The following KCNG3 variants were observed in gnomAD, a reference collection of about 807,000 sequenced individuals.
The protein encoded by KCNG3 is voltage-gated potassium channel regulatory subunit KCNG3.
A neutral mutation model predicts 29.0 loss-of-function variants in KCNG3; 15 were observed. That is an observed-to-expected ratio of 0.52 (90% CI 0.35 to 0.80). The LOEUF (loss-of-function observed/expected upper bound fraction) is 0.80. Ranked by LOEUF, KCNG3 falls within the 30% of genes least tolerant of loss-of-function variation. The pLI is 0.01. For missense variants in KCNG3, 512 were observed against 605.7 expected (o/e 0.85, Z 1.62); for synonymous variants, 322 against 248.9 (o/e 1.29, Z -2.76).
intron 1 of KCNG3, among the ~76,000 whole-genome samples, chr2:42,459,981 GA>G (rs55965070): frequency 6.9e-5 from 10 of 145,528 alleles, no homozygotes; most frequent in African/African-American, 2.3e-4. Context: ...ATCTCAAAAA[GA>G]AAAAAAAAAA....
chr2:42,408,348 C>G, the KCNG3 span, among the ~76,000 whole-genome samples: 1 of 152,184 alleles, frequency 6.6e-6, no homozygotes, highest in Non-Finnish European at 1.5e-5. Flanking sequence ...GGTGCCTTTT[C>G]TGGGCCCGCT....
chr2:42,433,384 G>T, the KCNG3 span, among the ~76,000 whole-genome samples: 1 of 152,130 alleles, frequency 6.6e-6, no homozygotes, highest in Non-Finnish European at 1.5e-5. Context: ...CCAGAAACTG[G>T]TGTGTGAGTC....
At chr2:42,432,333 C>T in the KCNG3 span, among the ~76,000 whole-genome samples, 1 of 152,200 alleles carries the variant, frequency 6.6e-6, no homozygotes, top group Non-Finnish European at 1.5e-5. Flanking sequence ...CTCCTCCACC[C>T]CAGTAATTCA....
chr2:42,474,952 T>C (rs539202458), intron 1 of KCNG3, among the ~76,000 whole-genome samples: 7 of 152,310 alleles, frequency 4.6e-5, no homozygotes, highest in Non-Finnish European at 1.0e-4. Flanking sequence ...CTAATCATAA[T>C]TAGACCAGGC....
At chr2:42,485,449 AT>A (rs11427289) in intron 1 of KCNG3, among the ~76,000 whole-genome samples, 18,569 of 147,378 alleles carry the variant, frequency 0.13, 1,347 homozygotes, top group South Asian at 0.19. Flanking sequence ...AGCAAAGAGC[AT>A]TTTTTTTTTT....
the KCNG3 span, among the ~76,000 whole-genome samples, chr2:42,427,563 G>A: frequency 9.9e-5 from 15 of 151,212 alleles, no homozygotes; most frequent in African/African-American, 2.2e-4. Flanking sequence ...CCATTATCTC[G>A]CCACTGGACT....
the KCNG3 span, among the ~76,000 whole-genome samples, chr2:42,390,903 C>G: frequency 3.5e-4 from 54 of 152,270 alleles, 1 homozygote; most frequent in South Asian, 6.2e-3. Flanking sequence ...CTCTTTTCAG[C>G]AAGGTTCATT....
the KCNG3 span, among the ~76,000 whole-genome samples, chr2:42,408,831 A>G: frequency 6.6e-6 from 1 of 152,246 alleles, no homozygotes; most frequent in South Asian, 2.1e-4. Flanking sequence ...AGAAGTAGAG[A>G]AGAGCTGCAG....
chr2:42,467,425 T>C (rs1673167989), intron 1 of KCNG3, among the ~76,000 whole-genome samples: 1 of 152,120 alleles, frequency 6.6e-6, no homozygotes, highest in African/African-American at 2.4e-5. Context: ...CCCAGCACTT[T>C]GGGAGGCCAA....
chr2:42,409,732 T>TAAAAAAAA, the KCNG3 span, among the ~76,000 whole-genome samples: 1 of 126,208 alleles, frequency 7.9e-6, no homozygotes, highest in Non-Finnish European at 1.7e-5. Flanking sequence ...AAAAAAAATT[T>TAAAAAAAA]TTTTTTAAAT....
In KCNG3 at chr2:42,477,520, C is replaced by A. The variant is rs1212207028; in HGVS notation, c.665+15317G>T. On this transcript the variant is annotated intron_variant, in intron 1 of 1. Coordinates refer to ENST00000306078, the MANE Select transcript of KCNG3 (RefSeq NM_133329.6). ...TCGGCTCACTGCAACCTCCACCTCC[C>A]GGGTTCACGCCGTTCTCCTGCCCCA... Among the ~76,000 whole-genome samples, 40 of 149,106 alleles carry A rather than the reference C, an allele frequency of 2.7e-4. 1 individual carries two copies. In the East Asian group the frequency reaches 8.2e-3, roughly 30 times the overall value.
At chr2:42,431,285 G>A in the KCNG3 span, among the ~76,000 whole-genome samples, 2 of 151,604 alleles carry the variant, frequency 1.3e-5, no homozygotes, top group Non-Finnish European at 2.9e-5. Flanking sequence ...TTACAGTTAT[G>A]GCAAAGTACA....
chr2:42,436,498 G>A, the KCNG3 span, among the ~76,000 whole-genome samples: 2 of 152,168 alleles, frequency 1.3e-5, no homozygotes, highest in Admixed American at 1.3e-4. Context: ...TGTCTACAGA[G>A]CCACACTGCC....
chr2:42,415,563 T>C, the KCNG3 span: 3 of 152,148 alleles, frequency 2.0e-5, no homozygotes, highest in Admixed American at 2.0e-4. Context: ...GTAAAAGACA[T>C]GTAACATGAA....
chr2:42,481,208 G>A (rs1673574947), intron 1 of KCNG3, among the ~76,000 whole-genome samples: 1 of 152,188 alleles, frequency 6.6e-6, no homozygotes, highest in Non-Finnish European at 1.5e-5. Context: ...GTGTGTGGGG[G>A]ATGAGTAGAG....
chr2:42,421,927 A>T, the KCNG3 span, among the ~76,000 whole-genome samples: 1 of 152,206 alleles, frequency 6.6e-6, no homozygotes, highest in Non-Finnish European at 1.5e-5. Flanking sequence ...TAGTAACTAA[A>T]AGTGATTGTA....
intron 1 of KCNG3, among the ~76,000 whole-genome samples, chr2:42,487,794 A>G (rs1454136549): frequency 6.6e-6 from 1 of 152,216 alleles, no homozygotes; most frequent in Non-Finnish European, 1.5e-5. Flanking sequence ...TGCATAAAAG[A>G]AGTAAAATAT....
intron 1 of KCNG3, among the ~76,000 whole-genome samples, chr2:42,451,749 A>C: frequency 6.6e-6 from 1 of 151,956 alleles, no homozygotes; most frequent in African/African-American, 2.4e-5. Context: ...AATTAATTAA[A>C]ATTAGCAGGG....
chr2:42,420,720 G>C, the KCNG3 span, among the ~76,000 whole-genome samples: 1 of 152,090 alleles, frequency 6.6e-6, no homozygotes, highest in African/African-American at 2.4e-5. Context: ...AACTCAGGAG[G>C]CGGAGGTTGC....
Sources: gnomAD v4.1 joint callset for allele counts (sites outside exome capture counted in the v4.1 genomes callset) on GRCh38, gnomAD v4.1.1 for gene constraint, MANE v1.5 for transcripts, NCBI Gene and HGNC (gene_info 2026-07-23, HGNC 2026-07-21) for gene names.